CFAP221: variants seen among roughly 807,000 people sequenced by gnomAD.
CFAP221 encodes cilia- and flagella-associated protein 221.
CFAP221 carries 97 observed loss-of-function variants against 113.1 expected under a neutral mutation model. The observed-to-expected ratio is 0.86, with a 90% CI of 0.73 to 1.02. CFAP221 has a LOEUF of 1.02. Ranked by LOEUF, CFAP221 falls within the 50% of genes least tolerant of loss-of-function variation. CFAP221 has a pLI of 0.00. For missense variants in CFAP221, 1,025 were observed against 1,013.4 expected (o/e 1.01, Z -0.16); for synonymous variants, 331 against 354.4 (o/e 0.93, Z 0.74).
chr2:119,579,836 A>G (rs369965421), intron 6 of CFAP221, among the ~76,000 whole-genome samples: 2 of 152,334 alleles, frequency 1.3e-5, no homozygotes, highest in East Asian at 1.9e-4. Context: ...GGAAAATGCA[A>G]ACATGCAGCT....
intron 6 of CFAP221, among the ~76,000 whole-genome samples, chr2:119,581,769 A>C (rs1332328553): frequency 6.6e-6 from 1 of 152,204 alleles, no homozygotes; most frequent in African/African-American, 2.4e-5. Flanking sequence ...CGTAAGAGTC[A>C]AGCTGCAGAG....
chr2:119,595,482 T>C (rs1321382463), intron 7 of CFAP221, among the ~76,000 whole-genome samples: 1 of 152,216 alleles, frequency 6.6e-6, no homozygotes, highest in African/African-American at 2.4e-5. Context: ...GTAGTTGAGC[T>C]GAAGCTTTAC....
intron 21 of CFAP221, among the ~76,000 whole-genome samples, chr2:119,644,087 A>G (rs1274682227): frequency 6.6e-6 from 1 of 152,124 alleles, no homozygotes; most frequent in Admixed American, 6.5e-5. Context: ...CGGGAGGCAG[A>G]GCTTGCAGTG....
At chr2:119,654,878 C>T (rs1253620434) in intron 23 of CFAP221, among the ~76,000 whole-genome samples, 1 of 152,156 alleles carries the variant, frequency 6.6e-6, no homozygotes, top group Non-Finnish European at 1.5e-5. Context: ...TGATATCCCA[C>T]AGACCATTTT....
intron 21 of CFAP221, among the ~76,000 whole-genome samples, chr2:119,640,593 A>G (rs1355681635): frequency 6.6e-6 from 1 of 152,200 alleles, no homozygotes; most frequent in Non-Finnish European, 1.5e-5. Flanking sequence ...TAAGTGAGTG[A>G]TTGGTGAACA....
At chr2:119,620,397 C>T (rs1313737217) in intron 14 of CFAP221, among the ~76,000 whole-genome samples, 2 of 152,156 alleles carry the variant, frequency 1.3e-5, no homozygotes, top group Non-Finnish European at 2.9e-5. Context: ...GACCTCTCTG[C>T]AGAAACCCTA....
intron 23 of CFAP221, among the ~76,000 whole-genome samples, chr2:119,654,712 A>G (rs1403519773): frequency 2.0e-5 from 3 of 152,224 alleles, no homozygotes; most frequent in Non-Finnish European, 2.9e-5. Flanking sequence ...AATTTTTTCA[A>G]AAAACATACA....
intron 15 of CFAP221, 107 bp from the exon 16 acceptor site, chr2:119,627,540 TATATAC>T (rs2104752814): frequency 1.9e-5 from 11 of 581,648 alleles, no homozygotes; most frequent in South Asian, 4.8e-5. Flanking sequence ...TATATATATA[TATATAC>T]ACACCCACCC....
Position 119,544,497 on chromosome 2 carries a change from G to A in CFAP221, c.-61G>A, listed in dbSNP as rs1163930894. 1 of 151,942 alleles carries A rather than the reference G, an allele frequency of 6.6e-6. No individual in the cohort carries two copies. The highest frequency in any genetic ancestry group is 2.4e-5 in the African/African-American group (1 of 41,408). The allele number at this position is 151,942 out of a possible 1,614,324, so 9.4% of individuals were successfully genotyped here. ...CTGGCGCCGGCCGAATCCGGCCCGG[G>A]AACCACCTCCAGGGTGAGCGGCCAG... On this transcript the variant is annotated 5_prime_UTR_variant, in exon 1 of 24. Transcript: ENST00000413369.
intron 6 of CFAP221, among the ~76,000 whole-genome samples, chr2:119,566,493 G>A (rs1488490368): frequency 1.3e-5 from 2 of 152,140 alleles, no homozygotes; most frequent in South Asian, 2.1e-4. Context: ...GAGAGCCATC[G>A]AGCTATCCTA....
At chr2:119,652,286 AT>A (rs1325816420) in intron 23 of CFAP221, among the ~76,000 whole-genome samples, 1 of 152,130 alleles carries the variant, frequency 6.6e-6, no homozygotes, top group Non-Finnish European at 1.5e-5. Flanking sequence ...ACTGAAATCA[AT>A]TTTCCATGTG....
At chr2:119,616,599 T>G (rs1685543315) in intron 14 of CFAP221, among the ~76,000 whole-genome samples, 1 of 152,114 alleles carries the variant, frequency 6.6e-6, no homozygotes, top group African/African-American at 2.4e-5. Context: ...CAGTAAAGGG[T>G]GTCATGTGAC....
At chr2:119,560,110 G>A in intron 5 of CFAP221, 84 bp downstream of exon 5, 1 of 1,099,690 alleles carries the variant, frequency 9.1e-7, no homozygotes, top group Non-Finnish European at 1.3e-6. Flanking sequence ...CAGAAAGAGA[G>A]GTGGAATGAC....
chr2:119,645,960 TG>T (rs1320533538), intron 21 of CFAP221, among the ~76,000 whole-genome samples: 1 of 152,230 alleles, frequency 6.6e-6, no homozygotes, highest in Non-Finnish European at 1.5e-5. Flanking sequence ...ATCTGAAATG[TG>T]TGTATGGAAG....
At chr2:119,568,966 A>G (rs1681844963) in intron 6 of CFAP221, among the ~76,000 whole-genome samples, 1 of 152,272 alleles carries the variant, frequency 6.6e-6, no homozygotes, top group Middle Eastern at 3.4e-3. Context: ...ATAATTTCAC[A>G]GGGCACAGAA....
intron 14 of CFAP221, among the ~76,000 whole-genome samples, chr2:119,624,422 G>A (rs1686150853): frequency 6.6e-6 from 1 of 152,178 alleles, no homozygotes; most frequent in Admixed American, 6.5e-5. Context: ...ACTGTTGGTG[G>A]GCCTGTAAAT....
At chr2:119,570,204 T>C (rs1034307559) in intron 6 of CFAP221, among the ~76,000 whole-genome samples, 1 of 152,210 alleles carries the variant, frequency 6.6e-6, no homozygotes, top group Non-Finnish European at 1.5e-5. Context: ...GACTGTGAAC[T>C]TCACAAGTAC....
rs1004772344 is a variant in CFAP221 at position 119,628,852 on chromosome 2, C to A, written c.1651-1023C>A. On this transcript the variant is annotated intron_variant, in intron 16 of 23. Transcript: ENST00000413369. The stretch of plus-strand genomic sequence containing the variant: ...CAAGCAACAATAAATGTCTGACACT[C>A]GATAATTAATGGGGTGAAGAGGTTG... 1.3e-5 allele frequency among the ~76,000 whole-genome samples: 2 copies of A among 152,190 alleles called. 1 individual carries two copies. Among genetic ancestry groups the A allele is most frequent in the South Asian group, 4.2e-4 (2 of 4,804 alleles).
intron 7 of CFAP221, among the ~76,000 whole-genome samples, chr2:119,591,450 T>G (rs900892189): frequency 2.0e-5 from 3 of 152,230 alleles, no homozygotes; most frequent in Non-Finnish European, 4.4e-5. Context: ...GTGGCAGTGG[T>G]TGCACACAGC....
Sources: allele counts gnomAD v4.1 joint callset (sites outside exome capture counted in the v4.1 genomes callset), GRCh38; gene constraint gnomAD v4.1.1; transcripts MANE v1.5; gene names NCBI Gene and HGNC (gene_info 2026-07-23, HGNC 2026-07-21).